The following SUSD1 variants were observed in gnomAD, a reference collection of about 807,000 sequenced individuals.
SUSD1 encodes the protein sushi domain containing 1.
In SUSD1, 65 loss-of-function variants were observed where a neutral mutation model predicts 86.9. The observed-to-expected ratio is 0.75, with a 90% CI of 0.61 to 0.92. The LOEUF (loss-of-function observed/expected upper bound fraction) is 0.92, where lower values mean the gene tolerates loss of function less well. Ranked by LOEUF, SUSD1 falls within the 40% of genes least tolerant of loss-of-function variation. SUSD1 has a pLI of 0.00. For synonymous variants in SUSD1, 346 were observed against 350.0 expected (o/e 0.99, Z 0.13); for missense variants, 850 against 929.7 (o/e 0.91, Z 1.11).
chr9:112,117,566 T>C (rs997601009), intron 6 of SUSD1, among the ~76,000 whole-genome samples: 1 of 152,214 alleles, frequency 6.6e-6, no homozygotes, highest in Non-Finnish European at 1.5e-5. Context: ...TATATAGATA[T>C]AGATGTACAT....
intron 12 of SUSD1, among the ~76,000 whole-genome samples, chr9:112,064,659 G>A (rs955560130): frequency 7.9e-5 from 12 of 151,430 alleles, no homozygotes; most frequent in Middle Eastern, 3.4e-3. Flanking sequence ...GCGGATCACC[G>A]GAGGCCAGGA....
intron 1 of SUSD1, among the ~76,000 whole-genome samples, chr9:112,160,359 C>T (rs1160454449): frequency 2.0e-5 from 3 of 152,028 alleles, no homozygotes; most frequent in South Asian, 4.2e-4. Flanking sequence ...GCCTGGCCAA[C>T]GTGGTGAAAC....
intron 1 of SUSD1, among the ~76,000 whole-genome samples, chr9:112,165,584 A>G (rs13293587): frequency 6.6e-6 from 1 of 151,420 alleles, no homozygotes; most frequent in Non-Finnish European, 1.5e-5. Flanking sequence ...TAATTTTTTT[A>G]TTTTTAGCAG....
intron 12 of SUSD1, among the ~76,000 whole-genome samples, chr9:112,065,134 A>G (rs1335781112): frequency 6.6e-6 from 1 of 152,092 alleles, no homozygotes; most frequent in African/African-American, 2.4e-5. Flanking sequence ...CTGCTTACAC[A>G]CCCCTCTCAT....
intron 8 of SUSD1, among the ~76,000 whole-genome samples, chr9:112,108,946 C>T (rs1830972924): frequency 1.3e-5 from 2 of 151,430 alleles, no homozygotes. Context: ...AGTAATAAAA[C>T]ACGCAACCCA....
At chr9:112,114,513 T>C (rs1323315389) in intron 6 of SUSD1, among the ~76,000 whole-genome samples, 2 of 151,884 alleles carry the variant, frequency 1.3e-5, no homozygotes, top group Non-Finnish European at 2.9e-5. Context: ...ACAAACAAAA[T>C]TCCTGCAGAC....
At chr9:112,138,270 T>TATATATATATATGTATATACAC (rs1832393817) in intron 5 of SUSD1, among the ~76,000 whole-genome samples, 1 of 131,144 alleles carries the variant, frequency 7.6e-6, no homozygotes. Flanking sequence ...TATATACATA[T>TATATATATATATGTATATACAC]ATATATATAT....
At chr9:112,174,017 G>T in intron 1 of SUSD1, 1 of 161,734 alleles carries the variant, frequency 6.2e-6, no homozygotes, top group South Asian at 1.5e-4. Flanking sequence ...GAACTGGCTA[G>T]ACCCACTTTT....
intron 1 of SUSD1, among the ~76,000 whole-genome samples, chr9:112,168,772 A>G (rs925789245): frequency 3.9e-5 from 6 of 152,254 alleles, no homozygotes; most frequent in African/African-American, 1.4e-4. Context: ...CTGGCCAAAA[A>G]TCTAGACCCC....
intron 12 of SUSD1, among the ~76,000 whole-genome samples, chr9:112,070,167 G>A (rs1004634261): frequency 5.9e-5 from 9 of 151,856 alleles, no homozygotes; most frequent in South Asian, 2.1e-4. Context: ...CACCACACAC[G>A]GCTGATTTTT....
intron 13 of SUSD1, among the ~76,000 whole-genome samples, chr9:112,062,545 A>C (rs1039621970): frequency 6.6e-6 from 1 of 151,982 alleles, no homozygotes. Flanking sequence ...AAATACAAAA[A>C]TTAGCCAGGT....
Position 112,175,259 on chromosome 9 carries a change from C to T in SUSD1, c.-24G>A, listed in dbSNP as rs1834230612. The T allele has an allele frequency of 1.2e-5, 14 of 1,144,598 alleles. No individual in the cohort carries two copies. In the South Asian group the frequency reaches 6.0e-4, roughly 49 times the overall value. 70.9% of individuals were successfully genotyped at this position (1,144,598 alleles called of 1,614,324 possible). A position where few individuals can be genotyped will look rare whatever the true frequency, so the allele number is the denominator to read the frequency against. On this transcript the variant is annotated 5_prime_UTR_variant, in exon 1 of 17. Coordinates refer to ENST00000374270, the MANE Select transcript of SUSD1 (RefSeq NM_022486.5). This position sits in a 1 kb window ranked among gnomAD's most constrained non-coding sequence, Gnocchi z 4.7. ...ATGCCGCCGCCGGTCCCTCCCGGCG[C>T]GCCCGCGCCTCCTCCCGGGGCCCTC...
intron 5 of SUSD1, among the ~76,000 whole-genome samples, chr9:112,138,061 A>AT (rs1832343334): frequency 6.7e-6 from 1 of 149,968 alleles, no homozygotes; most frequent in Admixed American, 6.7e-5. Context: ...CATCTCTACT[A>AT]AAAATACAAA....
chr9:112,055,434 C>T (rs527295719), intron 14 of SUSD1, among the ~76,000 whole-genome samples: 1 of 152,112 alleles, frequency 6.6e-6, no homozygotes, highest in East Asian at 1.9e-4. Flanking sequence ...CCCCCACTTC[C>T]AAAACAAAAG....
At chr9:112,143,150 A>AT (rs1056303196) in intron 4 of SUSD1, among the ~76,000 whole-genome samples, 18 of 148,448 alleles carry the variant, frequency 1.2e-4, no homozygotes, top group Non-Finnish European at 1.6e-4. Context: ...ACACCTGGCT[A>AT]TTTTTTTTTA....
intron 5 of SUSD1, among the ~76,000 whole-genome samples, chr9:112,130,477 G>GGGAAAGGAGAGGGAGAGGAGAA (rs748568352): frequency 6.8e-6 from 1 of 147,538 alleles, no homozygotes; most frequent in Admixed American, 6.9e-5. Flanking sequence ...GCAGAGGAGA[G>GGGAAAGGAGAGGGAGAGGAGAA]GGAAAGGAGA....
At chr9:112,067,405 C>T (rs1829034585) in intron 12 of SUSD1, among the ~76,000 whole-genome samples, 1 of 152,230 alleles carries the variant, frequency 6.6e-6, no homozygotes, top group South Asian at 2.1e-4. Flanking sequence ...CCCACAGATT[C>T]CACATGCTTA....
chr9:112,091,445 TTAC>T (rs1364772403), intron 10 of SUSD1, among the ~76,000 whole-genome samples: 2 of 152,214 alleles, frequency 1.3e-5, no homozygotes, highest in Non-Finnish European at 2.9e-5. Context: ...TACCAGGGCT[TTAC>T]TCCCTGGGAA....
intron 5 of SUSD1, among the ~76,000 whole-genome samples, chr9:112,128,697 G>A (rs930441058): frequency 3.3e-5 from 5 of 152,166 alleles, no homozygotes; most frequent in South Asian, 2.1e-4. Context: ...CTGAAGAAAT[G>A]ACACATACAT....
Sources: allele counts gnomAD v4.1 joint callset (sites outside exome capture counted in the v4.1 genomes callset), GRCh38; gene constraint gnomAD v4.1.1; non-coding constraint Gnocchi (gnomAD v3.1); transcripts MANE v1.5; gene names NCBI Gene and HGNC (gene_info 2026-07-23, HGNC 2026-07-21).